Variants in RBM25 observed in about 807,000 individuals in gnomAD.
RBM25 encodes RNA-binding protein 25.
In RBM25, 19 loss-of-function variants were observed where a neutral mutation model predicts 120.7. The ratio of observed to expected loss-of-function variants is 0.16; its 90% CI spans 0.11 to 0.23. The LOEUF (loss-of-function observed/expected upper bound fraction) is 0.23, where lower values mean the gene tolerates loss of function less well. Among genes scored for constraint, RBM25 ranks in the 10% least tolerant of loss-of-function variants. The probability of loss-of-function intolerance (pLI) is 1.00; values close to 1 mark genes in which losing one functional copy is unlikely to be tolerated. For missense variants in RBM25, 605 were observed against 1,041.5 expected, an observed-to-expected ratio of 0.58 and a Z score of 5.77; for synonymous variants, 390 against 326.7, an observed-to-expected ratio of 1.19 and a Z score of -2.09.
chr14:73,067,760 C>A (rs1427007540), intron 1 of RBM25, among the ~76,000 whole-genome samples: 2 of 151,844 alleles, frequency 1.3e-5, no homozygotes, highest in Admixed American at 1.3e-4. Flanking sequence ...CCTGCCACCG[C>A]ACCCAGCTAA....
intron 4 of RBM25, among the ~76,000 whole-genome samples, chr14:73,078,464 C>T (rs113714225): frequency 2.0e-5 from 3 of 151,850 alleles, no homozygotes; most frequent in Non-Finnish European, 4.4e-5. Context: ...GCACTCCAGC[C>T]CGAGCAAGAG....
At chr14:73,107,241 G>GTA (rs1216355146) in intron 12 of RBM25, 2 of 152,356 alleles carry the variant, frequency 1.3e-5, no homozygotes, top group South Asian at 2.1e-4. Context: ...GTAGCGTAGC[G>GTA]TATATATATA....
At chr14:73,115,197 C>T (rs577684839) in intron 18 of RBM25, among the ~76,000 whole-genome samples, 27 of 137,976 alleles carry the variant, frequency 2.0e-4, no homozygotes, top group African/African-American at 4.2e-4. Flanking sequence ...TGTTTTAAGT[C>T]GGATACATGT....
At chr14:73,097,179 GTTTTCTTTTTTCTTTTCTTTTTTTTTTTT>G in intron 7 of RBM25, 79 bp downstream of exon 7, 5 of 273,554 alleles carry the variant, frequency 1.8e-5, no homozygotes, top group Non-Finnish European at 2.7e-5. Flanking sequence ...TTACATGTCA[GTTTTCTTTTTTCTTTTCTTTTTTTTTTTT>G]TTTTTTTTTT....
At chr14:73,093,949 T>G (rs1186822096) in intron 6 of RBM25, among the ~76,000 whole-genome samples, 5 of 95,246 alleles carry the variant, frequency 5.2e-5, no homozygotes, top group Admixed American at 9.0e-5. Context: ...TCAGGTTTTG[T>G]TTTTTTTTTT....
At chr14:73,111,900 A>G (rs1896317157) in intron 16 of RBM25, 98 bp downstream of exon 16, 1 of 1,375,614 alleles carries the variant, frequency 7.3e-7, no homozygotes, top group Non-Finnish European at 9.8e-7. Flanking sequence ...GATTCTATTA[A>G]TGACAAATAA....
chr14:73,111,552 C>T lies in RBM25; in HGVS notation c.2042C>T (p.Pro681Leu). The change falls in exon 16 of 19, where the codon CCT becomes CTT. Residue 681 changes from proline to leucine, a missense_variant. Coordinates refer to ENST00000261973, the MANE Select transcript of RBM25 (RefSeq NM_021239.3). ...GGTGCTTCCAATAGTCCTGGTCAGC[C>T]TAATTCTGTGAAGAGAAAGAAACTA... Reference protein sequence around the residue: ...KLGASNSPGQPNSVKRKKLPV... With the variant: ...KLGASNSPGQLNSVKRKKLPV... The T allele has an allele frequency of 6.2e-7, 1 of 1,611,134 alleles. No individual in the cohort carries two copies.
chr14:73,060,477 A>G (rs1331162300), intron 1 of RBM25, among the ~76,000 whole-genome samples: 1 of 151,556 alleles, frequency 6.6e-6, no homozygotes, highest in African/African-American at 2.4e-5. Flanking sequence ...CACATGATTT[A>G]GTGAAAATTT....
At position 73,103,948 on chromosome 14, in the gene RBM25, T is replaced by TCACACA. The variant is rs368961634; in HGVS notation, c.1154+512_1154+517dup. Reference sequence around the variant, plus strand: ...CTCTCTCTCTCTCTCTCTCTCTCTCTCACACACACACACACACACACACAC... The same window carrying TCACACA: ...CTCTCTCTCTCTCTCTCTCTCTCTCTCACACACACACACACACACACACACACACAC... On this transcript the variant is annotated intron_variant, in intron 10 of 18. Transcript: ENST00000261973. Among the ~76,000 whole-genome samples the TCACACA allele has an allele frequency of 1.0e-3, 91 of 91,408 alleles. 1 individual carries two copies. Among genetic ancestry groups the TCACACA allele is most frequent in the Non-Finnish European group, 1.7e-3 (68 of 41,072 alleles). The allele number at this position is 91,408 out of a possible 152,430, so 60.0% of individuals were successfully genotyped here.
intron 1 of RBM25, chr14:73,064,928 T>G (rs1895091012): frequency 6.6e-6 from 1 of 151,034 alleles, no homozygotes; most frequent in East Asian, 1.9e-4. Flanking sequence ...AAAATATAAC[T>G]TAAATACCAA....
Position 73,114,890 on chromosome 14 carries a change from T to C in RBM25, c.2439+557T>C, listed in dbSNP as rs367969069. 1.7e-4 allele frequency among the ~76,000 whole-genome samples: 26 copies of C among 152,160 alleles called. 1 individual carries two copies. The East Asian group carries it at 2.3e-3, about 14-fold the overall frequency. The stretch of plus-strand genomic sequence containing the variant: ...AGCCTGGTGACAGAGTGAGACCCCA[T>C]CTCTAAATAAATAAATAAGGCTTCA... On this transcript the variant is annotated intron_variant, in intron 18 of 18. Transcript: ENST00000261973.
At chr14:73,112,088 A>C in intron 16 of RBM25, 64 bp from the exon 17 acceptor site, 1 of 1,411,802 alleles carries the variant, frequency 7.1e-7, no homozygotes, top group African/African-American at 1.5e-5. Flanking sequence ...AAAATCATGA[A>C]GCTTTAATAA....
At chr14:73,082,917 A>C (rs1365614401) in intron 4 of RBM25, among the ~76,000 whole-genome samples, 4 of 151,494 alleles carry the variant, frequency 2.6e-5, no homozygotes, top group African/African-American at 9.7e-5. Context: ...TAAAAAAAAA[A>C]AAACAAAAAA....
chr14:73,112,545 A>C (rs1896332069), intron 17 of RBM25, among the ~76,000 whole-genome samples: 1 of 151,884 alleles, frequency 6.6e-6, no homozygotes, highest in African/African-American at 2.4e-5. Flanking sequence ...GGTTACTGCC[A>C]ATTGTGTGCT....
intron 1 of RBM25, among the ~76,000 whole-genome samples, chr14:73,066,565 C>G (rs891703520): frequency 6.7e-6 from 1 of 150,056 alleles, no homozygotes; most frequent in African/African-American, 2.5e-5. Context: ...GCAGGAGAAT[C>G]GCTTGAACCC....
At chr14:73,069,644 A>G (rs2038789395) in intron 1 of RBM25, among the ~76,000 whole-genome samples, 1 of 149,764 alleles carries the variant, frequency 6.7e-6, no homozygotes, top group Non-Finnish European at 1.5e-5. Context: ...TGTTAGCTAG[A>G]CTGGTCCTGA....
chr14:73,090,248 T>C, intron 6 of RBM25, among the ~76,000 whole-genome samples: 1 of 151,892 alleles, frequency 6.6e-6, no homozygotes, highest in East Asian at 1.9e-4. Context: ...GTGGGATTTC[T>C]CCATGTCTTC....
In RBM25 at chr14:73,111,115, T is replaced by G; in HGVS notation, c.1977T>G (p.Pro659=). ...PHENSPDQQQ[P]EEHRPKIGLS... is the part of the protein sequence containing the mutation. ...AAAACTCACCAGATCAACAGCAACC[T>G]GAGGAGCATAGGCCAAAAATAGGAC... The change falls in exon 15 of 19, where the codon CCT becomes CCG. Residue 659 remains proline (P), a synonymous_variant. Transcript: ENST00000261973. 1 of 1,614,080 alleles carries G rather than the reference T, an allele frequency of 6.2e-7. No individual in the cohort carries two copies. The highest frequency in any genetic ancestry group is 8.5e-7 in the Non-Finnish European group (1 of 1,179,964).
intron 18 of RBM25, among the ~76,000 whole-genome samples, chr14:73,118,112 C>G (rs577095964): frequency 4.8e-4 from 73 of 152,342 alleles, no homozygotes; most frequent in Non-Finnish European, 2.9e-4. Context: ...ATTCTGGACA[C>G]TGTACTAAAT....
Sources: allele counts gnomAD v4.1 joint callset (sites outside exome capture counted in the v4.1 genomes callset), GRCh38; gene constraint gnomAD v4.1.1; transcripts MANE v1.5; gene names NCBI Gene and HGNC (gene_info 2026-07-23, HGNC 2026-07-21).